Variants in CFAP54 observed in about 807,000 individuals in gnomAD.
CFAP54 encodes the protein cilia- and flagella-associated protein 54.
In CFAP54, 290 loss-of-function variants were observed where a neutral mutation model predicts 370.4. That is an observed-to-expected ratio of 0.78 (90% CI 0.71 to 0.86). The LOEUF is 0.86. CFAP54 is among the 40% of genes least tolerant of loss of function. CFAP54 has a pLI of 0.00. For synonymous variants in CFAP54, 1,206 were observed against 1,236.5 expected (o/e 0.98, Z 0.52); for missense variants, 3,399 against 3,528.7 (o/e 0.96, Z 0.93).
chr12:96,797,007 AT>A (rs1213987878), intron 63 of CFAP54, among the ~76,000 whole-genome samples: 3 of 152,174 alleles, frequency 2.0e-5, no homozygotes, highest in Non-Finnish European at 2.9e-5. Flanking sequence ...GCATCCCACA[AT>A]TTTTTTATTA....
intron 26 of CFAP54, among the ~76,000 whole-genome samples, chr12:96,611,679 G>A (rs1026549580): frequency 3.9e-5 from 6 of 152,206 alleles, no homozygotes; most frequent in African/African-American, 1.4e-4. Context: ...AACCAGTGTA[G>A]AGAAGTCCTT....
At chr12:96,825,678 TATAAC>T (rs1959090489) in intron 65 of CFAP54, among the ~76,000 whole-genome samples, 2 of 122,300 alleles carry the variant, frequency 1.6e-5, no homozygotes, top group African/African-American at 3.3e-5. Context: ...ATATATTATA[TATAAC>T]ATATCACGAT....
intron 22 of CFAP54, among the ~76,000 whole-genome samples, chr12:96,586,083 T>G (rs1209932277): frequency 6.6e-6 from 1 of 152,202 alleles, no homozygotes; most frequent in Non-Finnish European, 1.5e-5. Flanking sequence ...AACACATTAT[T>G]TGAGTGCTTA....
chr12:96,732,256 G>T (rs539796277), intron 50 of CFAP54, among the ~76,000 whole-genome samples: 167 of 152,218 alleles, frequency 1.1e-3, no homozygotes, highest in Non-Finnish European at 1.3e-3. Context: ...TTCCCGAGTA[G>T]CTGGGACTAC....
chr12:96,616,447 C>G (rs1258493189), intron 26 of CFAP54, among the ~76,000 whole-genome samples: 1 of 152,146 alleles, frequency 6.6e-6, no homozygotes, highest in African/African-American at 2.4e-5. Context: ...ACCAACATGG[C>G]ACATGTAGAC....
At chr12:96,858,016 A>T (rs1424653058) in intron 66 of CFAP54, among the ~76,000 whole-genome samples, 1 of 152,184 alleles carries the variant, frequency 6.6e-6, no homozygotes, top group African/African-American at 2.4e-5. Flanking sequence ...TTCTCTGGGT[A>T]TATAACCAGT....
At chr12:96,510,830 G>A (rs1565879543) in intron 4 of CFAP54, among the ~76,000 whole-genome samples, 1 of 152,018 alleles carries the variant, frequency 6.6e-6, no homozygotes, top group Non-Finnish European at 1.5e-5. Flanking sequence ...GAGCGTGGTG[G>A]CGAGCGCCTG....
At chr12:96,650,591 T>C (rs1956848223) in intron 35 of CFAP54, among the ~76,000 whole-genome samples, 1 of 152,170 alleles carries the variant, frequency 6.6e-6, no homozygotes, top group Admixed American at 6.5e-5. Context: ...AAATATTATA[T>C]GAGACATGAT....
chr12:96,709,704 A>T (rs865791411), intron 48 of CFAP54, among the ~76,000 whole-genome samples: 10 of 142,626 alleles, frequency 7.0e-5, no homozygotes, highest in Non-Finnish European at 1.5e-4. Context: ...ATCATGGTTT[A>T]TTATTATTAT....
chr12:96,621,143 A>G (rs769535999), intron 26 of CFAP54, among the ~76,000 whole-genome samples: 6 of 152,218 alleles, frequency 3.9e-5, no homozygotes, highest in Non-Finnish European at 8.8e-5. Context: ...CTTGTAAATC[A>G]CTTAGTGATA....
intron 62 of CFAP54, among the ~76,000 whole-genome samples, chr12:96,791,704 A>G (rs958151114): frequency 1.3e-5 from 2 of 152,222 alleles, no homozygotes; most frequent in Admixed American, 6.5e-5. Flanking sequence ...AAAAAAACAG[A>G]AACCAAATAG....
intron 39 of CFAP54, among the ~76,000 whole-genome samples, chr12:96,674,005 T>C (rs1458291007): frequency 1.3e-5 from 2 of 152,228 alleles, no homozygotes; most frequent in African/African-American, 4.8e-5. Flanking sequence ...CTTGTTAAGC[T>C]CCATAGGGGA....
intron 67 of CFAP54, among the ~76,000 whole-genome samples, chr12:96,873,594 A>G (rs955963008): frequency 6.6e-6 from 1 of 152,226 alleles, no homozygotes; most frequent in Admixed American, 6.5e-5. Flanking sequence ...ACATTCTCAC[A>G]CAATACATGG....
chr12:96,647,993 AAAAG>A lies in CFAP54; in HGVS notation c.4671_4674del (p.Lys1558ProfsTer17), dbSNP rs1565927840. The A allele has an allele frequency of 1.3e-6, 2 of 1,507,404 alleles. No individual in the cohort carries two copies. The highest frequency in any genetic ancestry group is 8.8e-7 in the Non-Finnish European group (1 of 1,139,780). 93.4% of individuals were successfully genotyped at this position (1,507,404 alleles called of 1,614,324 possible). A position where few individuals can be genotyped will look rare whatever the true frequency, so the allele number is the denominator to read the frequency against. On this transcript the variant is annotated frameshift_variant, in exon 34 of 68. Coordinates refer to ENST00000524981, the MANE Select transcript of CFAP54 (RefSeq NM_001306084.2). LOFTEE classifies it high-confidence loss of function. ...GCTTGATTTCCTTCTTACAGCCAAA[AAAAG>A]AAAGGCCAACTTACCATCAGGTAAA...
At chr12:96,761,052 A>G (rs2136666365) in intron 58 of CFAP54, among the ~76,000 whole-genome samples, 1 of 152,318 alleles carries the variant, frequency 6.6e-6, no homozygotes, top group South Asian at 2.1e-4. Context: ...ATTGTTTTCA[A>G]AGGTGGCTCT....
At chr12:96,866,033 T>A (rs1959998007) in intron 67 of CFAP54, among the ~76,000 whole-genome samples, 1 of 152,092 alleles carries the variant, frequency 6.6e-6, no homozygotes, top group African/African-American at 2.4e-5. Context: ...TTATTTGATT[T>A]TCCAAAATTA....
At chr12:96,522,516 C>T (rs1400310827) in intron 8 of CFAP54, among the ~76,000 whole-genome samples, 2 of 152,104 alleles carry the variant, frequency 1.3e-5, no homozygotes, top group African/African-American at 4.8e-5. Flanking sequence ...TGTCTTTGAC[C>T]ACTTAGGGTT....
intron 66 of CFAP54, among the ~76,000 whole-genome samples, chr12:96,842,651 T>C (rs1464512816): frequency 6.6e-6 from 1 of 152,168 alleles, no homozygotes; most frequent in Non-Finnish European, 1.5e-5. Flanking sequence ...GAATTATCAT[T>C]AGCCCAAAGT....
chr12:96,661,514 T>G (rs1956994277), intron 38 of CFAP54, among the ~76,000 whole-genome samples: 2 of 152,186 alleles, frequency 1.3e-5, no homozygotes, highest in African/African-American at 2.4e-5. Context: ...GAACCCCAGA[T>G]GGACAGAGGT....
Sources: allele counts gnomAD v4.1 joint callset (sites outside exome capture counted in the v4.1 genomes callset), GRCh38; gene constraint gnomAD v4.1.1; transcripts MANE v1.5; gene names NCBI Gene and HGNC (gene_info 2026-07-23, HGNC 2026-07-21).